Variants in ANKS1B observed in about 807,000 individuals in gnomAD.
The protein encoded by ANKS1B is ankyrin repeat and sterile alpha motif domain containing 1B, also known as ankyrin repeat and sterile alpha motif domain-containing protein 1B.
ANKS1B carries 36 observed loss-of-function variants against 148.3 expected under a neutral mutation model. The ratio of observed to expected loss-of-function variants is 0.24; its 90% CI spans 0.19 to 0.32. ANKS1B has a LOEUF of 0.32. Among genes scored for constraint, ANKS1B ranks in the 10% least tolerant of loss-of-function variants. The pLI, the probability that ANKS1B is intolerant of heterozygous loss-of-function variation, is 1.00. For missense variants in ANKS1B, 1,157 were observed against 1,542.6 expected (o/e 0.75, Z 4.19); for synonymous variants, 542 against 560.8 (o/e 0.97, Z 0.47).
At chr12:98,770,212 TG>T in intron 25 of ANKS1B, among the ~76,000 whole-genome samples, 1 of 152,276 alleles carries the variant, frequency 6.6e-6, no homozygotes, top group Non-Finnish European at 1.5e-5. Context: ...AAATTAGGAC[TG>T]GGAAAAGTCC....
chr12:99,515,064 T>C (rs1447763706), intron 9 of ANKS1B, among the ~76,000 whole-genome samples: 1 of 152,040 alleles, frequency 6.6e-6, no homozygotes, highest in Non-Finnish European at 1.5e-5. Flanking sequence ...CAGGTATATG[T>C]ATTTATGTGG....
At chr12:99,933,178 T>C (rs1346738307) in intron 1 of ANKS1B, among the ~76,000 whole-genome samples, 1 of 152,196 alleles carries the variant, frequency 6.6e-6, no homozygotes, top group Admixed American at 6.5e-5. Context: ...GTAGTATAAT[T>C]TGAATTCAGA....
chr12:99,162,337 T>C (rs1206865951), intron 14 of ANKS1B, among the ~76,000 whole-genome samples: 1 of 152,118 alleles, frequency 6.6e-6, no homozygotes, highest in Non-Finnish European at 1.5e-5. Flanking sequence ...TGTATTTATA[T>C]AGTATATCAG....
chr12:99,419,930 A>C (rs1276034125), intron 11 of ANKS1B, among the ~76,000 whole-genome samples: 2 of 152,182 alleles, frequency 1.3e-5, no homozygotes, highest in Non-Finnish European at 2.9e-5. Flanking sequence ...TTGACCTCCC[A>C]AAATGCTGGG....
At chr12:98,981,779 A>G (rs1390167509) in intron 17 of ANKS1B, among the ~76,000 whole-genome samples, 1 of 152,248 alleles carries the variant, frequency 6.6e-6, no homozygotes, top group Admixed American at 6.5e-5. Context: ...ATTAATCATA[A>G]TTATCAAAGA....
chr12:98,771,949 T>C (rs540696072), intron 25 of ANKS1B, among the ~76,000 whole-genome samples: 68 of 152,192 alleles, frequency 4.5e-4, no homozygotes, highest in Non-Finnish European at 8.5e-4. Flanking sequence ...CTGACAGACA[T>C]AGTGAGGGAC....
At chr12:99,096,928 T>A (rs1321251376) in intron 15 of ANKS1B, 1 of 152,210 alleles carries the variant, frequency 6.6e-6, no homozygotes, top group Non-Finnish European at 1.5e-5. Context: ...GGGCACACTC[T>A]ATCTAGGTTA....
chr12:99,214,003 G>T (rs994456193), intron 14 of ANKS1B, among the ~76,000 whole-genome samples: 1 of 152,226 alleles, frequency 6.6e-6, no homozygotes, highest in African/African-American at 2.4e-5. Flanking sequence ...CTCAATGACC[G>T]AGCGAAAATT....
At chr12:99,688,185 G>A (rs1212773230) in intron 8 of ANKS1B, among the ~76,000 whole-genome samples, 2 of 152,146 alleles carry the variant, frequency 1.3e-5, no homozygotes, top group Non-Finnish European at 2.9e-5. Flanking sequence ...TTGCTTTTCA[G>A]TGGGTCCTTC....
At chr12:99,034,483 T>C (rs888966010) in intron 17 of ANKS1B, among the ~76,000 whole-genome samples, 2 of 152,034 alleles carry the variant, frequency 1.3e-5, no homozygotes, top group Non-Finnish European at 2.9e-5. Context: ...GCTCAGCTAG[T>C]TTTTGCATTT....
At chr12:99,392,217 T>C (rs2094098880) in intron 12 of ANKS1B, among the ~76,000 whole-genome samples, 1 of 152,236 alleles carries the variant, frequency 6.6e-6, no homozygotes, top group African/African-American at 2.4e-5. Flanking sequence ...GCTGCTGTAA[T>C]AATGATGTCT....
chr12:99,807,247 AC>A (rs2153662609), intron 3 of ANKS1B, among the ~76,000 whole-genome samples: 1 of 152,340 alleles, frequency 6.6e-6, no homozygotes, highest in Non-Finnish European at 1.5e-5. Flanking sequence ...ATATAAAAGT[AC>A]CTTTTTGAAA....
At chr12:98,975,225 C>T (rs2099892100) in intron 17 of ANKS1B, among the ~76,000 whole-genome samples, 1 of 137,738 alleles carries the variant, frequency 7.3e-6, no homozygotes, top group East Asian at 2.2e-4. Flanking sequence ...CTTCCTCCCT[C>T]CCATCTCCTT....
At chr12:99,091,057 T>C (rs765798321) in intron 15 of ANKS1B, among the ~76,000 whole-genome samples, 1 of 152,158 alleles carries the variant, frequency 6.6e-6, no homozygotes, top group Non-Finnish European at 1.5e-5. Flanking sequence ...TAAGTAAATT[T>C]TCATGTTTTT....
At chr12:99,523,214 G>A (rs2096892408) in intron 9 of ANKS1B, among the ~76,000 whole-genome samples, 1 of 152,208 alleles carries the variant, frequency 6.6e-6, no homozygotes, top group Admixed American at 6.5e-5. Flanking sequence ...GACACTTGAG[G>A]AGAGGCAAAG....
At chr12:99,487,391 A>G (rs1487170651) in intron 10 of ANKS1B, among the ~76,000 whole-genome samples, 1 of 152,236 alleles carries the variant, frequency 6.6e-6, no homozygotes, top group Non-Finnish European at 1.5e-5. Flanking sequence ...TACAATTACC[A>G]TCATCATGAC....
chr12:99,274,879 C>T (rs539448842), intron 12 of ANKS1B, among the ~76,000 whole-genome samples: 7 of 152,156 alleles, frequency 4.6e-5, no homozygotes, highest in Non-Finnish European at 8.8e-5. Flanking sequence ...TCAAATGAGA[C>T]TTTACTTGGG....
chr12:99,934,092 G>C (rs1309083811), intron 1 of ANKS1B, among the ~76,000 whole-genome samples: 1 of 152,076 alleles, frequency 6.6e-6, no homozygotes, highest in South Asian at 2.1e-4. Context: ...TGTGCATGTT[G>C]AACCATCCTT....
Position 98,751,543 on chromosome 12 carries a change from C to T in ANKS1B, c.3580-21G>A. ...AAATTCTGCAAGAAAAATGAGAAAG[C>T]ATTTGCTACTGGCACACTGCAAATT... On this transcript the variant is annotated intron_variant, in intron 25 of 26. Coordinates refer to ENST00000683438, the MANE Select transcript of ANKS1B (RefSeq NM_001352186.2). This position sits in a 1 kb window ranked among gnomAD's most constrained non-coding sequence, Gnocchi z 4.3. 6.2e-7 allele frequency: 1 copy of T among 1,612,452 alleles called. No homozygotes were observed. The highest frequency in any genetic ancestry group is 2.2e-5 in the East Asian group (1 of 44,866).
Sources: gnomAD v4.1 joint callset for allele counts (sites outside exome capture counted in the v4.1 genomes callset) on GRCh38, gnomAD v4.1.1 for gene constraint, Gnocchi (gnomAD v3.1) non-coding constraint, MANE v1.5 for transcripts, NCBI Gene and HGNC (gene_info 2026-07-23, HGNC 2026-07-21) for gene names.